Variants in MTUS2 observed in about 807,000 individuals in gnomAD.
The protein encoded by MTUS2 is microtubule-associated tumor suppressor candidate 2.
Under a neutral mutation model 114.1 loss-of-function variants are expected in MTUS2, and 40 were observed. The observed-to-expected ratio is 0.35, with a 90% CI of 0.27 to 0.46. MTUS2 has a LOEUF of 0.46. Among genes scored for constraint, MTUS2 ranks in the 20% least tolerant of loss-of-function variants. The probability of loss-of-function intolerance (pLI) is 1.00; values close to 1 mark genes in which losing one functional copy is unlikely to be tolerated. For synonymous variants in MTUS2, 688 were observed against 672.0 expected (o/e 1.02, Z -0.37); for missense variants, 1,679 against 1,705.4 (o/e 0.98, Z 0.27).
chr13:29,234,948 TTC>T, intron 5 of MTUS2, among the ~76,000 whole-genome samples: 1 of 152,298 alleles, frequency 6.6e-6, no homozygotes, highest in Non-Finnish European at 1.5e-5. Flanking sequence ...ATTTTTAATG[TTC>T]TTTCTTAAAC....
intron 2 of MTUS2, among the ~76,000 whole-genome samples, chr13:29,010,287 C>T (rs1185374348): frequency 2.0e-5 from 3 of 151,752 alleles, no homozygotes; most frequent in South Asian, 4.2e-4. Context: ...AATGCTTCCT[C>T]TTTCCTAAAT....
At chr13:29,008,033 T>TC (rs35707262) in intron 2 of MTUS2, among the ~76,000 whole-genome samples, 7 of 152,124 alleles carry the variant, frequency 4.6e-5, no homozygotes, top group African/African-American at 1.7e-4. Context: ...TCATGAAACA[T>TC]CCCCCCCACT....
At chr13:29,449,644 C>T (rs1020787938) in intron 9 of MTUS2, among the ~76,000 whole-genome samples, 4 of 150,772 alleles carry the variant, frequency 2.7e-5, no homozygotes, top group Admixed American at 6.7e-5. Flanking sequence ...CTATAGCATT[C>T]GCACCCTGAC....
chr13:28,984,693 AC>A (rs1452397618), intron 2 of MTUS2, among the ~76,000 whole-genome samples: 1 of 152,182 alleles, frequency 6.6e-6, no homozygotes, highest in Non-Finnish European at 1.5e-5. Flanking sequence ...TTTCTATAAA[AC>A]CATCTGGGCC....
intron 1 of MTUS2, among the ~76,000 whole-genome samples, chr13:28,839,013 T>TG (rs397936681): frequency 2.0e-5 from 3 of 151,988 alleles, no homozygotes; most frequent in Non-Finnish European, 4.4e-5. Context: ...TTTTTTTTTT[T>TG]GTTTGGAAAA....
intron 5 of MTUS2, among the ~76,000 whole-genome samples, chr13:29,142,611 C>G (rs777833742): frequency 1.6e-4 from 25 of 152,162 alleles, no homozygotes; most frequent in Non-Finnish European, 2.6e-4. Context: ...GAGGCTGAGG[C>G]AGGAGAATCG....
chr13:29,291,589 T>A (rs1593268136), intron 6 of MTUS2, among the ~76,000 whole-genome samples: 1 of 152,198 alleles, frequency 6.6e-6, no homozygotes, highest in East Asian at 1.9e-4. Context: ...TTCCAGCCTT[T>A]GAGCTGAGCT....
chr13:29,227,123 G>A (rs2139344553), intron 5 of MTUS2, among the ~76,000 whole-genome samples: 1 of 152,142 alleles, frequency 6.6e-6, no homozygotes, highest in South Asian at 2.1e-4. Flanking sequence ...GCTGGGTGTG[G>A]TAGTGTGTGC....
chr13:29,126,898 C>T (rs901377616), intron 5 of MTUS2, among the ~76,000 whole-genome samples: 6 of 152,242 alleles, frequency 3.9e-5, no homozygotes, highest in South Asian at 4.1e-4. Context: ...TATCACAGGG[C>T]GATTGTGAGG....
At chr13:29,389,724 C>T (rs1209625565) in intron 8 of MTUS2, among the ~76,000 whole-genome samples, 1 of 97,734 alleles carries the variant, frequency 1.0e-5, no homozygotes. Flanking sequence ...TATATACATA[C>T]ATATGTGTGT....
chr13:29,417,647 T>C (rs1566189234), intron 8 of MTUS2, among the ~76,000 whole-genome samples: 1 of 151,610 alleles, frequency 6.6e-6, no homozygotes, highest in East Asian at 1.9e-4. Context: ...ATTGCTTTCC[T>C]AAATTAATCA....
intron 5 of MTUS2, among the ~76,000 whole-genome samples, chr13:29,142,821 G>A (rs921697432): frequency 6.6e-6 from 1 of 152,208 alleles, no homozygotes; most frequent in African/African-American, 2.4e-5. Context: ...TTTTGAAAAA[G>A]GGTAGGGCAG....
intron 2 of MTUS2, among the ~76,000 whole-genome samples, chr13:28,848,751 G>T (rs763075139): frequency 6.6e-6 from 1 of 152,020 alleles, no homozygotes; most frequent in Non-Finnish European, 1.5e-5. Context: ...TTTTTGGCTC[G>T]AATGGTCTCG....
chr13:29,271,863 A>G (rs1897893415), intron 5 of MTUS2, among the ~76,000 whole-genome samples: 1 of 152,190 alleles, frequency 6.6e-6, no homozygotes, highest in Non-Finnish European at 1.5e-5. Context: ...TGTTTTGTGG[A>G]TAGATGATGT....
intron 2 of MTUS2, among the ~76,000 whole-genome samples, chr13:28,844,385 C>T (rs1875716926): frequency 6.6e-6 from 1 of 152,078 alleles, no homozygotes; most frequent in Non-Finnish European, 1.5e-5. Flanking sequence ...TACTTAGCGT[C>T]CAGATTTTTA....
chr13:28,950,966 A>G (rs1237868673), intron 2 of MTUS2, among the ~76,000 whole-genome samples: 1 of 152,346 alleles, frequency 6.6e-6, no homozygotes, highest in East Asian at 1.9e-4. Flanking sequence ...TCAGTAAAAC[A>G]AGGTGTACCT....
intron 2 of MTUS2, among the ~76,000 whole-genome samples, chr13:28,954,355 C>G (rs1189770921): frequency 6.6e-6 from 1 of 152,166 alleles, no homozygotes. Context: ...CAGTGGGTCA[C>G]TTCTTAATTT....
At chr13:29,361,079 G>A (rs907104148) in intron 8 of MTUS2, among the ~76,000 whole-genome samples, 10 of 152,162 alleles carry the variant, frequency 6.6e-5, no homozygotes, top group Non-Finnish European at 7.3e-5. Flanking sequence ...GCCAAAATTA[G>A]GGGTCAGTTC....
At chr13:29,491,806 TGTG>T (rs937332502) in intron 11 of MTUS2, among the ~76,000 whole-genome samples, 2 of 124,126 alleles carry the variant, frequency 1.6e-5, no homozygotes, top group African/African-American at 5.7e-5. Flanking sequence ...GCGTATGTGA[TGTG>T]TGTGGGGTAG....
Sources: allele counts gnomAD v4.1 joint callset (sites outside exome capture counted in the v4.1 genomes callset), GRCh38; gene constraint gnomAD v4.1.1; transcripts MANE v1.5; gene names NCBI Gene and HGNC (gene_info 2026-07-23, HGNC 2026-07-21).